SINHCAF: variants seen among roughly 807,000 people sequenced by gnomAD.
SINHCAF encodes the protein SIN3-HDAC complex-associated factor.
Under a neutral mutation model 25.8 loss-of-function variants are expected in SINHCAF, and 3 were observed. The ratio of observed to expected loss-of-function variants is 0.12; its 90% CI spans 0.05 to 0.30. SINHCAF has a LOEUF of 0.30. Ranked by LOEUF, SINHCAF falls within the 10% of genes least tolerant of loss-of-function variation. The pLI is 1.00. For synonymous variants in SINHCAF, 70 were observed against 85.5 expected (o/e 0.82, Z 1.00); for missense variants, 121 against 262.3 (o/e 0.46, Z 3.72).
In SINHCAF at chr12:31,281,423, A is replaced by G. The variant is rs1937786119; in HGVS notation, c.*1289T>C. ...AAAGAAAATAAAAATTTAATAGGCT[A>G]AAACAAGTCAAACACCCATTCTACA... On this transcript the variant is annotated 3_prime_UTR_variant, in exon 6 of 6. Transcript: ENST00000337682. The G allele has an allele frequency of 6.6e-6, 1 of 152,246 alleles. No individual in the cohort carries two copies. Among genetic ancestry groups the G allele is most frequent in the Non-Finnish European group, 1.5e-5 (1 of 68,044 alleles). 9.4% of individuals were successfully genotyped at this position (152,246 alleles called of 1,614,324 possible). A position where few individuals can be genotyped will look rare whatever the true frequency, so the allele number is the denominator to read the frequency against.
At chr12:31,323,745 C>A (rs1479938867) in intron 1 of SINHCAF, among the ~76,000 whole-genome samples, 2 of 152,066 alleles carry the variant, frequency 1.3e-5, no homozygotes, top group Admixed American at 1.3e-4. Flanking sequence ...ACAATTCGCC[C>A]ACAGTCCTCA....
At chr12:31,318,743 A>G (rs1467049710) in intron 1 of SINHCAF, among the ~76,000 whole-genome samples, 1 of 152,208 alleles carries the variant, frequency 6.6e-6, no homozygotes, top group Non-Finnish European at 1.5e-5. Flanking sequence ...AGTGTCAGAA[A>G]GAATATTTAT....
At chr12:31,311,595 C>T (rs183972723) in intron 1 of SINHCAF, 3 of 311,788 alleles carry the variant, frequency 9.6e-6, no homozygotes, top group African/African-American at 2.2e-5. Context: ...GGTCCCGCAG[C>T]CCCCTGGACC....
rs12308167 is a variant in SINHCAF, at chr12:31,306,082, T to C, written c.-20-7858A>G. ...AAGTTCAAAAGGGGACTCCCCATAA[T>C]GGGGTAATCCCTTAATAAGATTTTA... is the stretch of plus-strand genomic sequence containing the variant. On this transcript the variant is annotated intron_variant, in intron 1 of 5. Transcript: ENST00000337682. Among the ~76,000 whole-genome samples the C allele has an allele frequency of 8.0e-3, 1,213 of 152,336 alleles. 18 individuals carry two copies. The highest frequency in any genetic ancestry group is 0.025 in the African/African-American group (1,031 of 41,574).
chr12:31,294,837 T>C (rs867408970), intron 3 of SINHCAF, among the ~76,000 whole-genome samples: 1 of 152,204 alleles, frequency 6.6e-6, no homozygotes, highest in South Asian at 2.1e-4. Flanking sequence ...AACTAGTAAG[T>C]GGTAAAGGCA....
At chr12:31,296,611 G>A (rs1445768947) in intron 2 of SINHCAF, among the ~76,000 whole-genome samples, 1 of 152,112 alleles carries the variant, frequency 6.6e-6, no homozygotes. Flanking sequence ...GCTTATGCCT[G>A]TAATCCCAGC....
rs1207823636 is a variant in SINHCAF, at chr12:31,281,801, A to G, written c.*911T>C. 6.6e-6 allele frequency: 1 copy of G among 152,186 alleles called. No homozygotes were observed. Among genetic ancestry groups the G allele is most frequent in the Admixed American group, 6.6e-5 (1 of 15,258 alleles). The allele number at this position is 152,186 out of a possible 1,614,324, so 9.4% of individuals were successfully genotyped here. A position where few individuals can be genotyped will look rare whatever the true frequency, so the allele number is the denominator to read the frequency against. On this transcript the variant is annotated 3_prime_UTR_variant, in exon 6 of 6. Transcript: ENST00000337682. ...CTTTAGAAGTTTTACATAAATTAAA[A>G]TCTTTATCAAATATTAATATGAAGG...
At chr12:31,287,514 C>T in intron 5 of SINHCAF, 120 bp downstream of exon 5, 1 of 624,224 alleles carries the variant, frequency 1.6e-6, no homozygotes, top group East Asian at 2.7e-5. Flanking sequence ...CCTGCTTAAT[C>T]CACTGCAATC....
Position 31,282,867 on chromosome 12 carries a change from T to G in SINHCAF, c.511A>C (p.Lys171Gln). The G allele has an allele frequency of 1.3e-6, 2 of 1,590,014 alleles. No individual in the cohort carries two copies. The highest frequency in any genetic ancestry group is 1.7e-6 in the Non-Finnish European group (2 of 1,172,774). ...TTATAGATGATCCCACAACATATCT[T>G]CTGTCTAAAAGAAAAAATGGAGAAC... ...FLDLTYWKRQKICCGIIYKGR... is the reference protein window; with the variant it reads ...FLDLTYWKRQQICCGIIYKGR... The change falls in exon 6 of 6, where the codon AAG becomes CAG. Residue 171 changes from lysine (K) to glutamine (Q), a missense_variant. Lys to Gln is a moderately conservative substitution (Grantham distance 53). Transcript: ENST00000337682.
At chr12:31,297,479 T>A in intron 2 of SINHCAF, among the ~76,000 whole-genome samples, 1 of 145,406 alleles carries the variant, frequency 6.9e-6, no homozygotes, top group African/African-American at 2.6e-5. Context: ...TTTTTTTTTT[T>A]TTTTTTTTTT....
intron 2 of SINHCAF, 59 bp from the exon 3 acceptor site, chr12:31,295,392 G>T: frequency 1.7e-6 from 2 of 1,151,020 alleles, no homozygotes; most frequent in Non-Finnish European, 2.6e-6. Flanking sequence ...ATTCATGCAA[G>T]CACATTTCTT....
Position 31,293,890 on chromosome 12 carries a change from C to A in SINHCAF, c.270G>T (p.Leu90Phe). 2 of 1,613,204 alleles carry A rather than the reference C, an allele frequency of 1.2e-6. No individual in the cohort carries two copies. The highest frequency in any genetic ancestry group is 1.7e-6 in the Non-Finnish European group (2 of 1,179,470). The stretch of plus-strand genomic sequence containing the variant: ...ATAGAGTTTTCACTTTCTTTGGTTT[C>A]AATGTAGTCTTTAGACTGGGTCCAG... ...ARAGPSLKTT[L>F]KPKKVKTLSG... Residue 90 changes from leucine (L) to phenylalanine (F), a missense_variant, in exon 4 of 6, where the codon TTG becomes TTT. Transcript: ENST00000337682.
chr12:31,282,172 A>T lies in SINHCAF; in HGVS notation c.*540T>A, dbSNP rs1422533228. 1 of 152,372 alleles carries T rather than the reference A, an allele frequency of 6.6e-6. No homozygotes were observed. Among genetic ancestry groups the T allele is most frequent in the Non-Finnish European group, 1.5e-5 (1 of 68,012 alleles). 9.4% of individuals were successfully genotyped at this position (152,372 alleles called of 1,614,324 possible). ...ACAAATCCCATCTCTGTCCCCTGAA[A>T]TTCCCCTAGTTTCATTCATTAGAAG... On this transcript the variant is annotated 3_prime_UTR_variant, in exon 6 of 6. Transcript: ENST00000337682.
At chr12:31,293,743 C>A in intron 4 of SINHCAF, 62 bp downstream of exon 4, 1 of 1,444,818 alleles carries the variant, frequency 6.9e-7, no homozygotes, top group Admixed American at 2.4e-5. Context: ...ATGCCATACA[C>A]CACCCCCAGC....
chr12:31,285,428 C>CACACACAG (rs1938011527), intron 5 of SINHCAF, among the ~76,000 whole-genome samples: 1 of 150,990 alleles, frequency 6.6e-6, no homozygotes, highest in East Asian at 1.9e-4. Context: ...TACACACACA[C>CACACACAG]ACACACACAC....
At chr12:31,318,148 CA>C (rs1298984143) in intron 1 of SINHCAF, among the ~76,000 whole-genome samples, 1 of 152,212 alleles carries the variant, frequency 6.6e-6, no homozygotes, top group Non-Finnish European at 1.5e-5. Flanking sequence ...ACACTTTTCA[CA>C]AACGGTCAAC....
chr12:31,312,823 A>C (rs1002269124), intron 1 of SINHCAF, among the ~76,000 whole-genome samples: 3 of 152,212 alleles, frequency 2.0e-5, no homozygotes, highest in Non-Finnish European at 4.4e-5. Context: ...CCTGATTAAG[A>C]AATCTTTGCT....
rs561389697 is a variant in SINHCAF, at chr12:31,291,075, G to A, written c.355+2730C>T. ...TAGGATTTAGAAGGCACCAAGGAGTGATTAGATGGCATCAAGTCGGTAGGG... is the reference window on the plus strand; with the variant it reads ...TAGGATTTAGAAGGCACCAAGGAGTAATTAGATGGCATCAAGTCGGTAGGG... On this transcript the variant is annotated intron_variant, in intron 4 of 5. Coordinates refer to ENST00000337682, the MANE Select transcript of SINHCAF (RefSeq NM_001135812.2). 1.2e-4 allele frequency among the ~76,000 whole-genome samples: 18 copies of A among 152,286 alleles called. 1 individual carries two copies. In the South Asian group the frequency reaches 3.7e-3, roughly 32 times the overall value.
In SINHCAF at chr12:31,310,803, T is replaced by TA. The variant is rs1939235042; in HGVS notation, c.-20-12580dup. ...TGTTTTCATGTTTTATCAAAGTGGG[T>TA]AAAAAAATCTACAACAGGCCCATCT... On this transcript the variant is annotated intron_variant, in intron 1 of 5. Transcript: ENST00000337682. Among the ~76,000 whole-genome samples the TA allele has an allele frequency of 2.6e-5, 4 of 152,138 alleles. No homozygotes were observed. The Middle Eastern group carries it at 0.014, about 517-fold the overall frequency.
Sources: allele counts gnomAD v4.1 joint callset (sites outside exome capture counted in the v4.1 genomes callset), GRCh38; gene constraint gnomAD v4.1.1; transcripts MANE v1.5; gene names NCBI Gene and HGNC (gene_info 2026-07-23, HGNC 2026-07-21).